The following LRP1B variants were observed in gnomAD, a reference collection of about 807,000 sequenced individuals.
LRP1B encodes the protein low-density lipoprotein receptor-related protein 1B.
LRP1B carries 217 observed loss-of-function variants against 556.6 expected under a neutral mutation model. The observed-to-expected ratio is 0.39, with a 90% CI of 0.35 to 0.44. The LOEUF is 0.44. Ranked by LOEUF, LRP1B falls within the 20% of genes least tolerant of loss-of-function variation. The probability of loss-of-function intolerance (pLI) is 1.00; values close to 1 mark genes in which losing one functional copy is unlikely to be tolerated. For missense variants in LRP1B, 5,053 were observed against 5,620.8 expected (o/e 0.90, Z 3.23); for synonymous variants, 2,047 against 1,865.8 (o/e 1.10, Z -2.50).
intron 51 of LRP1B, among the ~76,000 whole-genome samples, chr2:140,511,888 TTA>T (rs1298245843): frequency 6.6e-6 from 1 of 152,204 alleles, no homozygotes; most frequent in East Asian, 1.9e-4. Context: ...GAAAATATTT[TTA>T]TATTATTCCT....
rs76484382 is a variant in LRP1B, at chr2:140,552,650, G to A, written c.7195-10679C>T. Among the ~76,000 whole-genome samples the A allele has an allele frequency of 3.0e-3, 454 of 152,264 alleles. 4 individuals carry two copies. Among genetic ancestry groups the A allele is most frequent in the African/African-American group, 0.01 (427 of 41,560 alleles). On this transcript the variant is annotated intron_variant, in intron 43 of 90. Transcript: ENST00000389484. ...TTACAAGCCTAGTCAGAGTCTTTAT[G>A]TAGAGCGCAGAAGCCTTGTCATCAC...
chr2:141,358,222 T>C (rs1257387774), intron 3 of LRP1B, among the ~76,000 whole-genome samples: 3 of 152,176 alleles, frequency 2.0e-5, no homozygotes, highest in Admixed American at 6.5e-5. Flanking sequence ...TTCAAAGATG[T>C]TAGACAAGCT....
chr2:140,565,946 C>T (rs1457291023), intron 43 of LRP1B, among the ~76,000 whole-genome samples: 1 of 152,142 alleles, frequency 6.6e-6, no homozygotes, highest in African/African-American at 2.4e-5. Flanking sequence ...CTCACAGGCA[C>T]GAAGCCCAGC....
intron 7 of LRP1B, among the ~76,000 whole-genome samples, chr2:141,116,643 CTTTATT>C (rs1322718778): frequency 6.6e-6 from 1 of 152,018 alleles, no homozygotes; most frequent in African/African-American, 2.4e-5. Flanking sequence ...CCAGTATCAT[CTTTATT>C]TTTATAATAG....
intron 84 of LRP1B, among the ~76,000 whole-genome samples, chr2:140,295,105 C>T (rs1683547162): frequency 6.6e-6 from 1 of 151,776 alleles, no homozygotes; most frequent in South Asian, 2.1e-4. Context: ...GTCTCGACCT[C>T]CTGACCTCGT....
chr2:142,128,099 AAAC>A (rs1707720900), intron 1 of LRP1B, among the ~76,000 whole-genome samples: 1 of 152,110 alleles, frequency 6.6e-6, no homozygotes, highest in Admixed American at 6.5e-5. Context: ...CTAATAAAAT[AAAC>A]AATAAGGAAT....
intron 87 of LRP1B, 71 bp downstream of exon 87, chr2:140,247,015 C>T (rs1681193994): frequency 1.8e-6 from 2 of 1,081,408 alleles, no homozygotes; most frequent in Non-Finnish European, 2.8e-6. Context: ...AGACTCATCT[C>T]ACTCAATAAT....
At chr2:141,418,878 C>A (rs1680034348) in intron 3 of LRP1B, among the ~76,000 whole-genome samples, 1 of 151,808 alleles carries the variant, frequency 6.6e-6, no homozygotes, top group Non-Finnish European at 1.5e-5. Context: ...CATAGGAGGT[C>A]TTTCCATTAT....
rs78871811 is a variant in LRP1B at position 141,688,828 on chromosome 2, T to G, written c.205+121451A>C. Among the ~76,000 whole-genome samples the G allele has an allele frequency of 5.2e-4, 79 of 151,944 alleles. 2 individuals are homozygous for G. In the East Asian group the frequency reaches 0.015, roughly 29 times the overall value. On this transcript the variant is annotated intron_variant, in intron 2 of 90. Coordinates refer to ENST00000389484, the MANE Select transcript of LRP1B (RefSeq NM_018557.3). ...AACAGGGCTATCAAATACCTCTCCTTTCTTTACCTAGGATGGATGGGTAAT... is the reference window on the plus strand; with the variant it reads ...AACAGGGCTATCAAATACCTCTCCTGTCTTTACCTAGGATGGATGGGTAAT...
chr2:141,496,625 C>G (rs971789935), intron 2 of LRP1B, among the ~76,000 whole-genome samples: 4 of 151,990 alleles, frequency 2.6e-5, no homozygotes, highest in Non-Finnish European at 5.9e-5. Context: ...AATATATTGG[C>G]ACATCCTGGA....
rs769282962 is a variant in LRP1B at position 140,801,848 on chromosome 2, A to T, written c.5359+11809T>A. On this transcript the variant is annotated intron_variant, in intron 32 of 90. Coordinates refer to ENST00000389484, the MANE Select transcript of LRP1B (RefSeq NM_018557.3). ...AGTTTGCAGATTGGAGATAGAGAGA[A>T]TGAGAGGAAGGTAAGAGGCAACTGC... Among the ~76,000 whole-genome samples the T allele has an allele frequency of 7.3e-5, 11 of 151,724 alleles. 1 individual carries two copies. The highest frequency in any genetic ancestry group is 1.2e-4 in the African/African-American group (5 of 41,340).
At chr2:140,844,442 A>G (rs1403180573) in intron 29 of LRP1B, among the ~76,000 whole-genome samples, 1 of 152,070 alleles carries the variant, frequency 6.6e-6, no homozygotes, top group Non-Finnish European at 1.5e-5. Context: ...TATGTCTAAA[A>G]GAATACTCTT....
chr2:140,931,399 T>C (rs1312658078), intron 20 of LRP1B, among the ~76,000 whole-genome samples: 1 of 152,044 alleles, frequency 6.6e-6, no homozygotes, highest in Non-Finnish European at 1.5e-5. Flanking sequence ...TAGTCACCAC[T>C]CTGAGATTAT....
At chr2:141,625,089 A>T (rs1036426757) in intron 2 of LRP1B, among the ~76,000 whole-genome samples, 6 of 152,138 alleles carry the variant, frequency 3.9e-5, no homozygotes, top group Non-Finnish European at 8.8e-5. Flanking sequence ...TAAAACAAAG[A>T]TAATGTCTCC....
At chr2:141,706,328 AG>A (rs1224773566) in intron 2 of LRP1B, among the ~76,000 whole-genome samples, 2 of 152,146 alleles carry the variant, frequency 1.3e-5, no homozygotes, top group Non-Finnish European at 2.9e-5. Context: ...TCAAGAAGGC[AG>A]ACAACGAGGC....
intron 18 of LRP1B, among the ~76,000 whole-genome samples, chr2:140,960,872 ATTAT>A: frequency 6.6e-6 from 1 of 151,958 alleles, no homozygotes; most frequent in Non-Finnish European, 1.5e-5. Context: ...ATCATTGTAA[ATTAT>A]TTAATGTGAA....
chr2:141,457,287 C>G (rs768281565), intron 3 of LRP1B, among the ~76,000 whole-genome samples: 11 of 152,008 alleles, frequency 7.2e-5, no homozygotes, highest in Non-Finnish European at 1.5e-4. Context: ...ACAAGACAGA[C>G]TGAAGGAATA....
chr2:140,815,950 G>A (rs111248837), intron 31 of LRP1B, among the ~76,000 whole-genome samples: 132 of 151,466 alleles, frequency 8.7e-4, no homozygotes, highest in African/African-American at 3.0e-3. Context: ...GAGGAAAGAG[G>A]CTTTGTCATA....
chr2:142,113,931 G>A (rs989624986), intron 1 of LRP1B, among the ~76,000 whole-genome samples: 3 of 152,066 alleles, frequency 2.0e-5, no homozygotes, highest in Admixed American at 2.0e-4. Flanking sequence ...TGATAACAAT[G>A]CCCTTTACCA....
Sources: gnomAD v4.1 joint callset for allele counts (sites outside exome capture counted in the v4.1 genomes callset) on GRCh38, gnomAD v4.1.1 for gene constraint, MANE v1.5 for transcripts, NCBI Gene and HGNC (gene_info 2026-07-23, HGNC 2026-07-21) for gene names.